Variants in SARS1 observed in about 807,000 individuals in gnomAD.
The protein encoded by SARS1 is serine--tRNA ligase, cytoplasmic.
Under a neutral mutation model 63.7 loss-of-function variants are expected in SARS1, and 25 were observed. That is an observed-to-expected ratio of 0.39 (90% CI 0.29 to 0.55). SARS1 has a LOEUF of 0.55. SARS1 is among the 20% of genes least tolerant of loss of function. The pLI is 0.62. For synonymous variants in SARS1, 231 were observed against 243.5 expected (o/e 0.95, Z 0.48); for missense variants, 417 against 649.7 (o/e 0.64, Z 3.89).
intron 2 of SARS1, among the ~76,000 whole-genome samples, chr1:109,225,186 C>G (rs1305387035): frequency 6.6e-6 from 1 of 152,130 alleles, no homozygotes; most frequent in East Asian, 1.9e-4. Flanking sequence ...AACTAAACAA[C>G]AACAACAAAA....
chr1:109,221,994 A>T (rs865942433), intron 1 of SARS1, among the ~76,000 whole-genome samples: 1 of 23,528 alleles, frequency 4.3e-5, no homozygotes, highest in Non-Finnish European at 6.3e-5. Flanking sequence ...ATATATATAT[A>T]TATATATATA....
chr1:109,237,027 C>A lies in SARS1; in HGVS notation c.1258-217C>A. ...CAGAATACCAGAAGCTACCACTTGT[C>A]ACTCATCGAAACATGAGGGATCTTT... On this transcript the variant is annotated intron_variant, in intron 9 of 10. Transcript: ENST00000234677. This position sits in a 1 kb window ranked among gnomAD's most constrained non-coding sequence, Gnocchi z 4.1. 1 of 1,256,436 alleles carries A rather than the reference C, an allele frequency of 8.0e-7. No homozygotes were observed. Among genetic ancestry groups the A allele is most frequent in the South Asian group, 1.6e-5 (1 of 61,918 alleles). 77.8% of individuals were successfully genotyped at this position (1,256,436 alleles called of 1,614,324 possible). A position where few individuals can be genotyped will look rare whatever the true frequency, so the allele number is the denominator to read the frequency against.
chr1:109,226,697 TAC>T lies in SARS1; in HGVS notation c.208-1625_208-1624del, dbSNP rs369144830. On this transcript the variant is annotated intron_variant, in intron 2 of 10. Coordinates refer to ENST00000234677, the MANE Select transcript of SARS1 (RefSeq NM_006513.4). ...AAAAAAATATATATATATATATATA[TAC>T]ACACACACACACACACACACACACA... is the stretch of plus-strand genomic sequence containing the variant. Among the ~76,000 whole-genome samples the T allele has an allele frequency of 6.9e-3, 717 of 103,946 alleles. 6 individuals carry two copies. Among genetic ancestry groups the T allele is most frequent in the Non-Finnish European group, 7.9e-3 (440 of 55,606 alleles). The allele number at this position is 103,946 out of a possible 152,430, so 68.2% of individuals were successfully genotyped here.
chr1:109,215,578 T>C (rs1654765430), intron 1 of SARS1: 2 of 985,022 alleles, frequency 2.0e-6, no homozygotes, highest in African/African-American at 3.5e-5. Context: ...TGATAAAGGT[T>C]TGTTAGAGGC....
chr1:109,235,861 G>C lies in SARS1; in HGVS notation c.970-116G>C, dbSNP rs1178640214. On this transcript the variant is annotated intron_variant, in intron 7 of 10. Coordinates refer to ENST00000234677, the MANE Select transcript of SARS1 (RefSeq NM_006513.4). This position sits in a 1 kb window ranked among gnomAD's most constrained non-coding sequence, Gnocchi z 4.7. ...TCCAGTCCCAGTTGCTGGGGGCCCAGACTTGCCTGCCTCCCAGTGGTGTGG... is the reference window on the plus strand; with the variant it reads ...TCCAGTCCCAGTTGCTGGGGGCCCACACTTGCCTGCCTCCCAGTGGTGTGG... The C allele has an allele frequency of 9.5e-7, 1 of 1,047,364 alleles. No individual in the cohort carries two copies. The highest frequency in any genetic ancestry group is 1.4e-6 in the Non-Finnish European group (1 of 721,376). The allele number at this position is 1,047,364 out of a possible 1,614,324, so 64.9% of individuals were successfully genotyped here.
intron 1 of SARS1, among the ~76,000 whole-genome samples, chr1:109,222,465 A>G (rs1654969740): frequency 6.6e-6 from 1 of 152,144 alleles, no homozygotes; most frequent in Non-Finnish European, 1.5e-5. Context: ...CTGTTTCATC[A>G]CCACAAAGAT....
chr1:109,236,596 C>A, intron 9 of SARS1, 48 bp downstream of exon 9: 3 of 1,579,644 alleles, frequency 1.9e-6, no homozygotes, highest in South Asian at 1.1e-5. Context: ...AGTACACGGC[C>A]CGTCCGAATT....
chr1:109,219,563 T>C (rs1207840598), intron 1 of SARS1, among the ~76,000 whole-genome samples: 65 of 151,310 alleles, frequency 4.3e-4, no homozygotes, highest in Non-Finnish European at 3.0e-5. Flanking sequence ...CCCAGGCTGG[T>C]GTGCAGTGGC....
chr1:109,214,027 A>C lies in SARS1; in HGVS notation c.35A>C (p.Lys12Thr). The change falls in exon 1 of 11, where the codon AAA becomes ACA. Residue 12 changes from lysine (K) to threonine (T), a missense_variant. By Grantham distance (78) the Lys-to-Thr change is moderately conservative (BLOSUM62 -1). This residue lies in a region of SARS1 where 359 missense variants were observed against 529.6 expected (regional missense o/e 0.68). Transcript: ENST00000234677. This position sits in a 1 kb window ranked among gnomAD's most constrained non-coding sequence, Gnocchi z 4.6. ...GATCTGGATTTGTTTCGGGTGGATAAAGGAGGGGACCCAGCCCTCATCCGA... is the reference window on the plus strand; with the variant it reads ...GATCTGGATTTGTTTCGGGTGGATACAGGAGGGGACCCAGCCCTCATCCGA... Reference protein sequence around the residue: ...VLDLDLFRVDKGGDPALIRET... With the variant: ...VLDLDLFRVDTGGDPALIRET... 1 of 1,613,808 alleles carries C rather than the reference A, an allele frequency of 6.2e-7. No individual in the cohort carries two copies. Among genetic ancestry groups the C allele is most frequent in the Non-Finnish European group, 8.5e-7 (1 of 1,179,894 alleles).
At position 109,237,690 on chromosome 1, in the gene SARS1, C is replaced by G; in HGVS notation, c.1388-41C>G. ...CCAGAGGTCTTAGGGCTTTGACTCA[C>G]TGAGAAACAACAGGTCATTTGGTTG... is the stretch of plus-strand genomic sequence containing the variant. On this transcript the variant is annotated intron_variant, in intron 10 of 10. Coordinates refer to ENST00000234677, the MANE Select transcript of SARS1 (RefSeq NM_006513.4). The surrounding 1 kb of genome is among the most constrained non-coding windows in gnomAD (Gnocchi z 4.1). The G allele has an allele frequency of 9.3e-6, 15 of 1,608,748 alleles. No homozygotes were observed. Among genetic ancestry groups the G allele is most frequent in the Non-Finnish European group, 1.3e-5 (15 of 1,176,862 alleles).
intron 6 of SARS1, among the ~76,000 whole-genome samples, chr1:109,234,170 C>G (rs982361551): frequency 3.3e-5 from 5 of 150,826 alleles, no homozygotes; most frequent in African/African-American, 1.2e-4. Context: ...TGAGCCATTA[C>G]GCCTGGCCAC....
chr1:109,221,994 A>ATTTTT (rs1654944656), intron 1 of SARS1, among the ~76,000 whole-genome samples: 1 of 23,528 alleles, frequency 4.3e-5, no homozygotes, highest in Non-Finnish European at 6.3e-5. Context: ...ATATATATAT[A>ATTTTT]TATATATATA....
At chr1:109,227,246 G>A (rs1655110852) in intron 2 of SARS1, among the ~76,000 whole-genome samples, 1 of 152,064 alleles carries the variant, frequency 6.6e-6, no homozygotes, top group African/African-American at 2.4e-5. Context: ...ACCCACCTCA[G>A]CCTCCCAAAG....
In SARS1 at chr1:109,236,500, T is replaced by C. The variant is rs1010054894; in HGVS notation, c.1209T>C (p.Ala403=). Residue 403 remains alanine (A), a synonymous_variant, in exon 9 of 11, where the codon GCT becomes GCC. Coordinates refer to ENST00000234677, the MANE Select transcript of SARS1 (RefSeq NM_006513.4). The part of the protein sequence containing the change: ...VSCSNCTDYQ[A]RRLRIRYGQT... ...GTTCTAATTGCACGGATTACCAGGC[T>C]CGCCGGCTTCGAATCCGATATGGGC... 2.5e-6 allele frequency: 4 copies of C among 1,607,268 alleles called. No individual in the cohort carries two copies. Among genetic ancestry groups the C allele is most frequent in the Admixed American group, 1.7e-5 (1 of 59,914 alleles).
Position 109,214,172 on chromosome 1 carries a change from A to C in SARS1, c.136+44A>C, listed in dbSNP as rs373113974. 2 of 1,597,264 alleles carry C rather than the reference A, an allele frequency of 1.3e-6. No homozygotes were observed. The highest frequency in any genetic ancestry group is 1.1e-5 in the South Asian group (1 of 89,166). On this transcript the variant is annotated intron_variant, in intron 1 of 10. Coordinates refer to ENST00000234677, the MANE Select transcript of SARS1 (RefSeq NM_006513.4). The surrounding 1 kb of genome is among the most constrained non-coding windows in gnomAD (Gnocchi z 4.6). ...GGGTTACCTCCTTGATGCTAAACCC[A>C]ATTTTCTCTCTCAAATCCAGCCACC...
chr1:109,228,470 AT>A, intron 3 of SARS1, 38 bp downstream of exon 3: 3 of 1,423,010 alleles, frequency 2.1e-6, no homozygotes, highest in Non-Finnish European at 3.0e-6. Flanking sequence ...GATCTCTGCT[AT>A]TTTGTCTTAA....
Position 109,235,169 on chromosome 1 carries a change from C to T in SARS1, c.748-41C>T, listed in dbSNP as rs1369625191. The stretch of plus-strand genomic sequence containing the variant: ...GGTTTCTTATTCTAGCCAAGGTCCT[C>T]CCCACTTCCTCTTAACTGGTATAGC... On this transcript the variant is annotated intron_variant, in intron 6 of 10. Coordinates refer to ENST00000234677, the MANE Select transcript of SARS1 (RefSeq NM_006513.4). The surrounding 1 kb of genome is among the most constrained non-coding windows in gnomAD (Gnocchi z 4.7). 6.0e-6 allele frequency: 9 copies of T among 1,507,090 alleles called. No individual in the cohort carries two copies. Among genetic ancestry groups the T allele is most frequent in the Admixed American group, 3.3e-5 (2 of 59,754 alleles). 93.4% of individuals were successfully genotyped at this position (1,507,090 alleles called of 1,614,324 possible).
Position 109,237,034 on chromosome 1 carries a change from C to T in SARS1, c.1258-210C>T. 4 of 1,250,542 alleles carry T rather than the reference C, an allele frequency of 3.2e-6. No individual in the cohort carries two copies. The highest frequency in any genetic ancestry group is 2.6e-5 in the East Asian group (1 of 38,920). The allele number at this position is 1,250,542 out of a possible 1,614,324, so 77.5% of individuals were successfully genotyped here. Reference sequence around the variant, plus strand: ...CCAGAAGCTACCACTTGTCACTCATCGAAACATGAGGGATCTTTCTGCAGT... The same window carrying T: ...CCAGAAGCTACCACTTGTCACTCATTGAAACATGAGGGATCTTTCTGCAGT... On this transcript the variant is annotated intron_variant, in intron 9 of 10. Coordinates refer to ENST00000234677, the MANE Select transcript of SARS1 (RefSeq NM_006513.4). This position sits in a 1 kb window ranked among gnomAD's most constrained non-coding sequence, Gnocchi z 4.1.
rs368537486 is a variant in SARS1 at position 109,219,221 on chromosome 1, A to G, written c.137-4757A>G. Among the ~76,000 whole-genome samples, 12 of 136,186 alleles carry G rather than the reference A, an allele frequency of 8.8e-5. No homozygotes were observed. The East Asian group carries it at 1.3e-3, about 15-fold the overall frequency. The allele number at this position is 136,186 out of a possible 152,430, so 89.3% of individuals were successfully genotyped here. A position where few individuals can be genotyped will look rare whatever the true frequency, so the allele number is the denominator to read the frequency against. On this transcript the variant is annotated intron_variant, in intron 1 of 10. Coordinates refer to ENST00000234677, the MANE Select transcript of SARS1 (RefSeq NM_006513.4). The stretch of plus-strand genomic sequence containing the variant: ...GCGGAGCTTGCAGTGAGCCGAGATC[A>G]CACCACTGCAGTCCAGCCTGGGCGA...
Sources: gnomAD v4.1 joint callset for allele counts (sites outside exome capture counted in the v4.1 genomes callset) on GRCh38, gnomAD v4.1.1 for gene constraint, gnomAD v4.1.1 regional missense constraint, Gnocchi (gnomAD v3.1) non-coding constraint, MANE v1.5 for transcripts, NCBI Gene and HGNC (gene_info 2026-07-23, HGNC 2026-07-21) for gene names.